Variants in PCDHA11 observed in about 807,000 individuals in gnomAD.
The protein encoded by PCDHA11 is protocadherin alpha 11.
A neutral mutation model predicts 70.3 loss-of-function variants in PCDHA11; 61 were observed. The observed-to-expected ratio is 0.87, with a 90% CI of 0.71 to 1.07. The LOEUF (loss-of-function observed/expected upper bound fraction) is 1.07. PCDHA11 is among the 50% of genes least tolerant of loss of function. PCDHA11 has a pLI of 0.00. For missense variants in PCDHA11, 1,324 were observed against 1,237.5 expected (o/e 1.07, Z -1.05); for synonymous variants, 633 against 555.1 (o/e 1.14, Z -1.97).
At chr5:140,917,776 A>G (rs1222024686) in intron 1 of PCDHA11, among the ~76,000 whole-genome samples, 2 of 152,044 alleles carry the variant, frequency 1.3e-5, no homozygotes, top group Non-Finnish European at 2.9e-5. Flanking sequence ...TATTAGTACC[A>G]TGTTGTTTTG....
At chr5:140,884,410 G>GT in intron 1 of PCDHA11, 1 of 1,614,008 alleles carries the variant, frequency 6.2e-7, no homozygotes, top group Non-Finnish European at 8.5e-7. Context: ...TGGTGCTCAC[G>GT]TTGCTGCTGT....
intron 3 of PCDHA11, among the ~76,000 whole-genome samples, chr5:141,003,468 C>T (rs2098126270): frequency 6.6e-6 from 1 of 152,066 alleles, no homozygotes; most frequent in Non-Finnish European, 1.5e-5. Context: ...TGCACCACCA[C>T]AGTCTCGCTA....
In PCDHA11 at chr5:140,876,087, G is replaced by T. The variant is rs1554168252; in HGVS notation, c.2391+4593G>T. ...GGAAGTTATTGGACAGAGAGCAAAC[G>T]CCAAAACTCAATTTATTGCTGATGG... On this transcript the variant is annotated intron_variant, in intron 1 of 3. Coordinates refer to ENST00000398640, the MANE Select transcript of PCDHA11 (RefSeq NM_018902.5). The T allele has an allele frequency of 1.9e-6, 3 of 1,613,922 alleles. No individual in the cohort carries two copies. The South Asian group carries it at 3.3e-5, about 18-fold the overall frequency.
intron 3 of PCDHA11, among the ~76,000 whole-genome samples, chr5:140,997,458 G>A (rs1167865060): frequency 5.3e-5 from 8 of 152,070 alleles, no homozygotes; most frequent in African/African-American, 1.7e-4. Flanking sequence ...ACTGAATACT[G>A]TAGGCAATTT....
rs188500854 is a variant in PCDHA11 at position 140,955,348 on chromosome 5, G to C, written c.2392-23601G>C. ...GTAGTTCCCATAATCCCCACATGTT[G>C]TGAGAGGGACCCAGTGGGAGGTAAT... On this transcript the variant is annotated intron_variant, in intron 1 of 3. Coordinates refer to ENST00000398640, the MANE Select transcript of PCDHA11 (RefSeq NM_018902.5). Among the ~76,000 whole-genome samples the C allele has an allele frequency of 1.6e-4, 24 of 152,204 alleles. No individual in the cohort carries two copies. The East Asian group carries it at 2.7e-3, about 17-fold the overall frequency.
chr5:140,991,244 G>A (rs535469323), intron 3 of PCDHA11, among the ~76,000 whole-genome samples: 2 of 152,278 alleles, frequency 1.3e-5, no homozygotes, highest in South Asian at 4.1e-4. Flanking sequence ...GGTAAAGGCA[G>A]TATTTGAACT....
chr5:140,869,072 G>T lies in PCDHA11; in HGVS notation c.-32G>T. On this transcript the variant is annotated 5_prime_UTR_variant, in exon 1 of 4. Coordinates refer to ENST00000398640, the MANE Select transcript of PCDHA11 (RefSeq NM_018902.5). Reference sequence around the variant, plus strand: ...AAGAATCTGGTACTGTAAGTGTAAAGAAGCTTATTTTGGAAGCCAATTTCG... The same window carrying T: ...AAGAATCTGGTACTGTAAGTGTAAATAAGCTTATTTTGGAAGCCAATTTCG... 4 of 1,574,396 alleles carry T rather than the reference G, an allele frequency of 2.5e-6. No individual in the cohort carries two copies. Among genetic ancestry groups the T allele is most frequent in the Non-Finnish European group, 2.6e-6 (3 of 1,161,492 alleles).
chr5:140,886,158 C>A (rs888588847), intron 1 of PCDHA11, among the ~76,000 whole-genome samples: 2 of 152,142 alleles, frequency 1.3e-5, no homozygotes, highest in South Asian at 4.1e-4. Context: ...CTTTTTATAG[C>A]CACATCTGCT....
intron 1 of PCDHA11, among the ~76,000 whole-genome samples, chr5:140,901,442 T>G (rs1490397176): frequency 6.6e-6 from 1 of 152,206 alleles, no homozygotes; most frequent in Non-Finnish European, 1.5e-5. Flanking sequence ...GATATCTAGT[T>G]TCCCAGCACA....
chr5:140,922,176 C>CA (rs3836750), intron 1 of PCDHA11, among the ~76,000 whole-genome samples: 11 of 150,702 alleles, frequency 7.3e-5, no homozygotes, highest in East Asian at 5.8e-4. Flanking sequence ...GTACAGCAGA[C>CA]AAAAAAAAAG....
At position 140,926,602 on chromosome 5, in the gene PCDHA11, C is replaced by T. The variant is rs1326525373; in HGVS notation, c.2392-52347C>T. 9 of 324,032 alleles carry T rather than the reference C, an allele frequency of 2.8e-5. No homozygotes were observed. The East Asian group carries it at 4.7e-4, about 17-fold the overall frequency. The allele number at this position is 324,032 out of a possible 1,614,324, so 20.1% of individuals were successfully genotyped here. On this transcript the variant is annotated intron_variant, in intron 1 of 3. Coordinates refer to ENST00000398640, the MANE Select transcript of PCDHA11 (RefSeq NM_018902.5). ...CCTCTCGCGCCCGGGCGGGCGGCCT[C>T]GTCTCTGCACCCCTAGGCGGCGCTG...
At chr5:140,905,407 A>G (rs2071810139) in intron 1 of PCDHA11, among the ~76,000 whole-genome samples, 1 of 152,158 alleles carries the variant, frequency 6.6e-6, no homozygotes, top group Non-Finnish European at 1.5e-5. Context: ...CTATTTTTAT[A>G]CCAGTACCAT....
At chr5:140,920,855 A>AC (rs1163764054) in intron 1 of PCDHA11, among the ~76,000 whole-genome samples, 5 of 151,976 alleles carry the variant, frequency 3.3e-5, no homozygotes, top group African/African-American at 4.8e-5. Context: ...AAAAAAAAAA[A>AC]AAACAAACAA....
At chr5:140,927,166 G>A in intron 1 of PCDHA11, 1 of 1,614,188 alleles carries the variant, frequency 6.2e-7, no homozygotes. Context: ...GGCCAAAGCT[G>A]CCTGCGTCTT....
At chr5:140,877,468 C>T in intron 1 of PCDHA11, 1 of 1,613,808 alleles carries the variant, frequency 6.2e-7, no homozygotes, top group Non-Finnish European at 8.5e-7. Context: ...GGCCACGGTG[C>T]TGGTGTCGCT....
chr5:140,869,598 T>A lies in PCDHA11; in HGVS notation c.495T>A (p.Asn165Lys). 6 of 1,614,122 alleles carry A rather than the reference T, an allele frequency of 3.7e-6. No individual in the cohort carries two copies. Among genetic ancestry groups the A allele is most frequent in the Non-Finnish European group, 5.1e-6 (6 of 1,180,006 alleles). Residue 165 changes from asparagine (N) to lysine (K), a missense_variant, in exon 1 of 4, where the codon AAT becomes AAA. Asn to Lys is a moderately conservative substitution (Grantham distance 94). Transcript: ENST00000398640. ...CTTCTGATGCTGACATTGAAGAGAA[T>A]GCTCTATTGACCTACAGGCTAAGTA... ...EGASDADIEE[N>K]ALLTYRLSKN...
At chr5:140,874,079 T>C (rs1397045171) in intron 1 of PCDHA11, among the ~76,000 whole-genome samples, 2 of 152,234 alleles carry the variant, frequency 1.3e-5, no homozygotes, top group African/African-American at 4.8e-5. Flanking sequence ...CCTGATGACA[T>C]CAAAATTCAA....
rs551502223 is a variant in PCDHA11 at position 140,976,924 on chromosome 5, T to G, written c.2392-2025T>G. ...TGTAATAAAGTGCAAAATCTAGTAC[T>G]GTGTAGCTACTTAAAACATATTATA... is the stretch of plus-strand genomic sequence containing the variant. On this transcript the variant is annotated intron_variant, in intron 1 of 3. Coordinates refer to ENST00000398640, the MANE Select transcript of PCDHA11 (RefSeq NM_018902.5). 1.6e-4 allele frequency among the ~76,000 whole-genome samples: 25 copies of G among 152,364 alleles called. No homozygotes were observed. In the South Asian group the frequency reaches 5.2e-3, roughly 32 times the overall value.
chr5:140,888,606 G>A (rs2061900283), intron 1 of PCDHA11, among the ~76,000 whole-genome samples: 2 of 152,180 alleles, frequency 1.3e-5, no homozygotes, highest in African/African-American at 4.8e-5. Context: ...GCAGCTTTTA[G>A]TGTAGCACTA....
Sources: allele counts gnomAD v4.1 joint callset (sites outside exome capture counted in the v4.1 genomes callset), GRCh38; gene constraint gnomAD v4.1.1; transcripts MANE v1.5; gene names NCBI Gene and HGNC (gene_info 2026-07-23, HGNC 2026-07-21).